The following TNS3 variants were observed in gnomAD, a reference collection of about 807,000 sequenced individuals.
TNS3 encodes the protein tensin 3, also known as tensin-3.
In TNS3, 45 loss-of-function variants were observed where a neutral mutation model predicts 140.9. That is an observed-to-expected ratio of 0.32 (90% CI 0.25 to 0.41). The LOEUF is 0.41. TNS3 is among the 10% of genes least tolerant of loss of function. The pLI, the probability that TNS3 is intolerant of heterozygous loss-of-function variation, is 1.00. For missense variants in TNS3, 1,716 were observed against 1,906.7 expected, an observed-to-expected ratio of 0.90 and a Z score of 1.86; for synonymous variants, 815 against 788.4, an observed-to-expected ratio of 1.03 and a Z score of -0.56.
chr7:47,537,219 A>G (rs1250464658), intron 1 of TNS3, among the ~76,000 whole-genome samples: 1 of 151,948 alleles, frequency 6.6e-6, no homozygotes, highest in African/African-American at 2.4e-5. Context: ...CTGCGGACAC[A>G]AGTCCCAGGA....
At chr7:47,351,948 C>T (rs555462230) in intron 17 of TNS3, among the ~76,000 whole-genome samples, 48 of 152,230 alleles carry the variant, frequency 3.2e-4, no homozygotes, top group African/African-American at 9.6e-4. Context: ...TCCCAGTCTC[C>T]GGCACTTTTT....
In TNS3 at chr7:47,276,972, T is replaced by C. The variant is rs900169482; in HGVS notation, c.*1104A>G. On this transcript the variant is annotated 3_prime_UTR_variant, in exon 31 of 31. Coordinates refer to ENST00000311160, the MANE Select transcript of TNS3 (RefSeq NM_022748.12). ...ATCGAAAAGCCCATGTGGGGGATGC[T>C]GAGCTTAAATCCAGGAGTTTTCCAT... 2 of 152,244 alleles carry C rather than the reference T, an allele frequency of 1.3e-5. No individual in the cohort carries two copies. The highest frequency in any genetic ancestry group is 6.5e-5 in the Admixed American group (1 of 15,286). 9.4% of individuals were successfully genotyped at this position (152,244 alleles called of 1,614,324 possible). A position where few individuals can be genotyped will look rare whatever the true frequency, so the allele number is the denominator to read the frequency against.
chr7:47,456,541 T>C (rs1562765431), intron 4 of TNS3, among the ~76,000 whole-genome samples: 1 of 152,162 alleles, frequency 6.6e-6, no homozygotes, highest in Non-Finnish European at 1.5e-5. Flanking sequence ...GTGCCAGCTT[T>C]TACTAGTATA....
intron 1 of TNS3, among the ~76,000 whole-genome samples, chr7:47,547,206 A>C (rs628378): frequency 0.99 from 150,047 of 152,250 alleles, 73,964 homozygotes; most frequent in East Asian, 1. Flanking sequence ...CTGGGCCTTG[A>C]CCAAAACAGG....
At chr7:47,515,190 T>A (rs1798740071) in intron 2 of TNS3, among the ~76,000 whole-genome samples, 1 of 152,198 alleles carries the variant, frequency 6.6e-6, no homozygotes, top group Non-Finnish European at 1.5e-5. Context: ...CTTAACCACA[T>A]ATGAAATTTG....
At chr7:47,342,702 T>C (rs534878744) in intron 20 of TNS3, among the ~76,000 whole-genome samples, 1 of 152,336 alleles carries the variant, frequency 6.6e-6, no homozygotes, top group South Asian at 2.1e-4. Context: ...TCGTGTCAAT[T>C]TCCTTGCCTG....
intron 16 of TNS3, among the ~76,000 whole-genome samples, chr7:47,378,052 A>G (rs765226920): frequency 6.6e-6 from 1 of 152,068 alleles, no homozygotes; most frequent in Non-Finnish European, 1.5e-5. Flanking sequence ...TCTGTGCCTC[A>G]CTGTCCTTGT....
rs190214781 is a variant in TNS3, at chr7:47,562,946, T to A, written c.-265+19105A>T. Among the ~76,000 whole-genome samples, 163 of 151,996 alleles carry A rather than the reference T, an allele frequency of 1.1e-3. 1 individual carries two copies. The highest frequency in any genetic ancestry group is 3.9e-3 in the African/African-American group (159 of 41,240). On this transcript the variant is annotated intron_variant, in intron 1 of 30. Coordinates refer to ENST00000311160, the MANE Select transcript of TNS3 (RefSeq NM_022748.12). ...GGACAACTCCATGAGTGCCTGGGGA[T>A]AATTCAACAACAACAACCGTTGGGA...
At chr7:47,469,583 A>G (rs528959420) in intron 4 of TNS3, among the ~76,000 whole-genome samples, 8 of 152,332 alleles carry the variant, frequency 5.3e-5, no homozygotes, top group Admixed American at 5.2e-4. Context: ...CATTATACCA[A>G]AAAGACACAT....
At chr7:47,560,556 C>A (rs913403692) in intron 1 of TNS3, among the ~76,000 whole-genome samples, 4 of 152,190 alleles carry the variant, frequency 2.6e-5, no homozygotes, top group African/African-American at 9.7e-5. Context: ...CCCTTGTCCA[C>A]CTCTCTGCTG....
chr7:47,531,893 G>A (rs545241470), intron 1 of TNS3, among the ~76,000 whole-genome samples: 270 of 152,284 alleles, frequency 1.8e-3, no homozygotes, highest in Non-Finnish European at 2.6e-3. Context: ...TCTGCCCCCC[G>A]GGGTGCAGCT....
intron 4 of TNS3, chr7:47,453,259 A>C: frequency 1.0e-6 from 1 of 985,538 alleles, no homozygotes; most frequent in Non-Finnish European, 1.2e-6. Flanking sequence ...CAAGGGCCTG[A>C]GGGACAGGAA....
At chr7:47,308,888 A>G (rs1162299250) in intron 20 of TNS3, among the ~76,000 whole-genome samples, 1 of 152,060 alleles carries the variant, frequency 6.6e-6, no homozygotes, top group Non-Finnish European at 1.5e-5. Context: ...CTCCTACCCA[A>G]CGCTCAGTTG....
In TNS3 at chr7:47,559,245, G is replaced by T. The variant is rs551354491; in HGVS notation, c.-265+22806C>A. 3.3e-5 allele frequency among the ~76,000 whole-genome samples: 5 copies of T among 152,300 alleles called. No homozygotes were observed. In the South Asian group the frequency reaches 1.0e-3, roughly 32 times the overall value. On this transcript the variant is annotated intron_variant, in intron 1 of 30. Transcript: ENST00000311160. ...CGCGCCTGTAGTCTCAGCTACTTGG[G>T]AGGCTGAGGCAGAAGAACTGCTTGA...
chr7:47,454,782 G>A (rs1405436433), intron 4 of TNS3, among the ~76,000 whole-genome samples: 1 of 152,182 alleles, frequency 6.6e-6, no homozygotes, highest in Non-Finnish European at 1.5e-5. Flanking sequence ...CAGGCAGGGG[G>A]CTCCCATCCA....
rs77982049 is a variant in TNS3 at position 47,562,211 on chromosome 7, G to A, written c.-265+19840C>T. 1.0e-3 allele frequency among the ~76,000 whole-genome samples: 155 copies of A among 152,160 alleles called. 1 individual carries two copies. Among genetic ancestry groups the A allele is most frequent in the Middle Eastern group, 3.4e-3 (1 of 294 alleles). ...CTGACCCAGTGTATGTCTCTGACCC[G>A]GAGATCATTCTGGAAATGGAAAAGC... On this transcript the variant is annotated intron_variant, in intron 1 of 30. Coordinates refer to ENST00000311160, the MANE Select transcript of TNS3 (RefSeq NM_022748.12).
At chr7:47,290,197 G>T (rs1315620696) in intron 27 of TNS3, among the ~76,000 whole-genome samples, 2 of 152,146 alleles carry the variant, frequency 1.3e-5, no homozygotes, top group Non-Finnish European at 2.9e-5. Context: ...AATAAAAAAT[G>T]AATCAAGACA....
chr7:47,504,098 C>T (rs898064131), intron 3 of TNS3, among the ~76,000 whole-genome samples: 2 of 152,206 alleles, frequency 1.3e-5, no homozygotes, highest in African/African-American at 2.4e-5. Context: ...AAAAGCCCCA[C>T]TGGGATCCAA....
intron 17 of TNS3, among the ~76,000 whole-genome samples, chr7:47,355,186 G>A (rs978841653): frequency 6.6e-6 from 1 of 152,188 alleles, no homozygotes; most frequent in East Asian, 1.9e-4. Flanking sequence ...ACTCCGCCAC[G>A]CCCAGCGGGA....
Sources: allele counts gnomAD v4.1 joint callset (sites outside exome capture counted in the v4.1 genomes callset), GRCh38; gene constraint gnomAD v4.1.1; transcripts MANE v1.5; gene names NCBI Gene and HGNC (gene_info 2026-07-23, HGNC 2026-07-21).